The following ARHGEF26 variants were observed in gnomAD, a reference collection of about 807,000 sequenced individuals.
ARHGEF26 encodes the protein Rho guanine nucleotide exchange factor (GEF) 26.
ARHGEF26 carries 59 observed loss-of-function variants against 89.4 expected under a neutral mutation model. The observed-to-expected ratio is 0.66, with a 90% CI of 0.54 to 0.82. The LOEUF (loss-of-function observed/expected upper bound fraction) is 0.82, where lower values mean the gene tolerates loss of function less well. ARHGEF26 is among the 40% of genes least tolerant of loss of function. The pLI, the probability that ARHGEF26 is intolerant of heterozygous loss-of-function variation, is 0.00. For synonymous variants in ARHGEF26, 500 were observed against 428.4 expected (o/e 1.17, Z -2.06); for missense variants, 1,234 against 1,085.6 (o/e 1.14, Z -1.92).
In ARHGEF26 at chr3:154,145,982, C is replaced by T. The variant is rs142723031; in HGVS notation, c.1270-3407C>T. On this transcript the variant is annotated intron_variant, in intron 4 of 14. Coordinates refer to ENST00000465093, the MANE Select transcript of ARHGEF26 (RefSeq NM_015595.4). The stretch of plus-strand genomic sequence containing the variant: ...TGTGATGAGTGTAATAATGGACTCA[C>T]GGTCTAAAGCTTGTCTGTTCCTTTT... Among the ~76,000 whole-genome samples the T allele has an allele frequency of 1.8e-4, 28 of 152,132 alleles. 1 individual carries two copies. In the East Asian group the frequency reaches 4.4e-3, roughly 24 times the overall value.
In ARHGEF26 at chr3:154,152,933, G is replaced by A; in HGVS notation, c.1487+1G>A. On this transcript the variant is annotated splice_donor_variant, in intron 6 of 14. Coordinates refer to ENST00000465093, the MANE Select transcript of ARHGEF26 (RefSeq NM_015595.4). LOFTEE classifies it high-confidence loss of function. ...CAGATGTCTGTGAGGCAAGCAAAAA[G>A]TAAGTGCACTGCAGTCTGCCTTTGG... 1 of 1,576,378 alleles carries A rather than the reference G, an allele frequency of 6.3e-7. No homozygotes were observed. Among genetic ancestry groups the A allele is most frequent in the Non-Finnish European group, 8.6e-7 (1 of 1,162,338 alleles).
intron 6 of ARHGEF26, among the ~76,000 whole-genome samples, chr3:154,181,414 T>C (rs1713176247): frequency 6.6e-6 from 1 of 152,162 alleles, no homozygotes; most frequent in Non-Finnish European, 1.5e-5. Context: ...CTCATTTAAG[T>C]GAGGGAGACG....
chr3:154,216,337 A>C (rs1393916475), intron 9 of ARHGEF26, among the ~76,000 whole-genome samples: 1 of 151,968 alleles, frequency 6.6e-6, no homozygotes, highest in Non-Finnish European at 1.5e-5. Flanking sequence ...AACGACTGTG[A>C]AAGTCCTTTA....
chr3:154,219,469 C>T (rs184780093), intron 10 of ARHGEF26, among the ~76,000 whole-genome samples: 25 of 152,000 alleles, frequency 1.6e-4, no homozygotes, highest in Non-Finnish European at 2.8e-4. Flanking sequence ...GTGGCAGGCA[C>T]CTGTAATCCC....
intron 4 of ARHGEF26, 96 bp from the exon 5 acceptor site, chr3:154,149,293 C>G (rs1284363289): frequency 2.5e-6 from 2 of 792,694 alleles, no homozygotes; most frequent in Non-Finnish European, 1.9e-6. Context: ...TCTCCTAATT[C>G]ATTTTTGAAG....
In ARHGEF26 at chr3:154,187,692, A is replaced by T; in HGVS notation, c.1495A>T (p.Ile499Leu). The T allele has an allele frequency of 6.2e-7, 1 of 1,602,476 alleles. No individual in the cohort carries two copies. Among genetic ancestry groups the T allele is most frequent in the East Asian group, 2.2e-5 (1 of 44,718 alleles). Residue 499 changes from isoleucine (I) to leucine (L), a missense_variant, in exon 7 of 15, where the codon ATA becomes TTA. By Grantham distance (5) the Ile-to-Leu change is conservative (BLOSUM62 2). Transcript: ENST00000465093. ...TTCCCTTTGGTTTTTCAGGTTCTTTATAGAGTTGGAAGCAAGACATCAGAA... is the reference window on the plus strand; with the variant it reads ...TTCCCTTTGGTTTTTCAGGTTCTTTTTAGAGTTGGAAGCAAGACATCAGAA... ...DVCEASKKFF[I>L]ELEARHQNNI...
At chr3:154,131,087 T>C (rs1727892) in intron 4 of ARHGEF26, among the ~76,000 whole-genome samples, 2,098 of 152,302 alleles carry the variant, frequency 0.014, 19 homozygotes, top group Non-Finnish European at 0.021. Context: ...CTCTGAGGTA[T>C]AGCACCCTTA....
intron 6 of ARHGEF26, among the ~76,000 whole-genome samples, chr3:154,182,891 T>C (rs1713272457): frequency 6.6e-6 from 1 of 152,206 alleles, no homozygotes; most frequent in South Asian, 2.1e-4. Flanking sequence ...CTCAAAAATG[T>C]AGTGCCACAT....
chr3:154,185,616 T>G (rs897784374), intron 6 of ARHGEF26, among the ~76,000 whole-genome samples: 3 of 152,164 alleles, frequency 2.0e-5, no homozygotes, highest in Non-Finnish European at 4.4e-5. Context: ...AAGGTGTTCA[T>G]CGACCCTCCC....
intron 9 of ARHGEF26, among the ~76,000 whole-genome samples, chr3:154,203,323 C>G (rs368066154): frequency 1.3e-5 from 2 of 152,036 alleles, no homozygotes; most frequent in African/African-American, 2.4e-5. Context: ...TATATTGAAC[C>G]AGCCCTGCAT....
At chr3:154,188,960 G>T (rs1327260200) in intron 7 of ARHGEF26, among the ~76,000 whole-genome samples, 1 of 152,114 alleles carries the variant, frequency 6.6e-6, no homozygotes, top group East Asian at 1.9e-4. Flanking sequence ...TGCATTTTAA[G>T]ATGCTTAAGG....
rs368215706 is a variant in ARHGEF26, at chr3:154,254,698, G to A, written c.2369-22G>A. 27 of 1,600,590 alleles carry A rather than the reference G, an allele frequency of 1.7e-5. No individual in the cohort carries two copies. The African/African-American group carries it at 3.6e-4, about 21-fold the overall frequency. On this transcript the variant is annotated intron_variant, in intron 13 of 14. Transcript: ENST00000465093. The stretch of plus-strand genomic sequence containing the variant: ...TTTTTTCTCTGCTACTGGAAACTTA[G>A]TATGTCCTCTTTTGGCCTCAGCACT...
At chr3:154,176,334 A>G (rs916807077) in intron 6 of ARHGEF26, among the ~76,000 whole-genome samples, 3 of 152,180 alleles carry the variant, frequency 2.0e-5, no homozygotes, top group Non-Finnish European at 4.4e-5. Flanking sequence ...GCAAGGGTAT[A>G]TGTATATGGG....
chr3:154,155,642 G>A (rs1720294436), intron 6 of ARHGEF26, among the ~76,000 whole-genome samples: 2 of 151,914 alleles, frequency 1.3e-5, no homozygotes, highest in Non-Finnish European at 2.9e-5. Context: ...TATCTTTTAT[G>A]GAATACTTAT....
intron 11 of ARHGEF26, among the ~76,000 whole-genome samples, chr3:154,239,287 A>AGAGAGAGAGAGAGT (rs1717325153): frequency 9.6e-6 from 1 of 104,216 alleles, no homozygotes; most frequent in Non-Finnish European, 2.0e-5. Context: ...AGAGAGAGAG[A>AGAGAGAGAGAGAGT]GAGAGAGAGA....
At chr3:154,212,600 G>C (rs1236544939) in intron 9 of ARHGEF26, among the ~76,000 whole-genome samples, 1 of 151,726 alleles carries the variant, frequency 6.6e-6, no homozygotes, top group Non-Finnish European at 1.5e-5. Context: ...GACGGGTGGG[G>C]GGCTGGGGGG....
intron 9 of ARHGEF26, among the ~76,000 whole-genome samples, chr3:154,198,481 T>A (rs1714421968): frequency 6.6e-6 from 1 of 152,194 alleles, no homozygotes; most frequent in African/African-American, 2.4e-5. Context: ...CTAATCCAAA[T>A]GTCCATCAAC....
At chr3:154,201,945 T>G (rs1340127047) in intron 9 of ARHGEF26, among the ~76,000 whole-genome samples, 3 of 151,488 alleles carry the variant, frequency 2.0e-5, no homozygotes, top group Non-Finnish European at 3.0e-5. Flanking sequence ...TTTCTCCCAT[T>G]TTGTAGGTTG....
chr3:154,191,700 C>G (rs1713968732), intron 8 of ARHGEF26, among the ~76,000 whole-genome samples: 1 of 152,152 alleles, frequency 6.6e-6, no homozygotes, highest in South Asian at 2.1e-4. Flanking sequence ...TTCTTTATGT[C>G]AGGAGGCCTG....
Sources: allele counts gnomAD v4.1 joint callset (sites outside exome capture counted in the v4.1 genomes callset), GRCh38; gene constraint gnomAD v4.1.1; transcripts MANE v1.5; gene names NCBI Gene and HGNC (gene_info 2026-07-23, HGNC 2026-07-21).